The following BNC2 variants were observed in gnomAD, a reference collection of about 807,000 sequenced individuals.
BNC2 encodes the protein basonuclin zinc finger protein 2.
In BNC2, 20 loss-of-function variants were observed where a neutral mutation model predicts 76.3. That is an observed-to-expected ratio of 0.26 (90% confidence interval 0.18 to 0.38). The LOEUF (loss-of-function observed/expected upper bound fraction) is 0.38. Among genes scored for constraint, BNC2 ranks in the 10% least tolerant of loss-of-function variants. BNC2 has a pLI of 1.00. For missense variants in BNC2, 1,382 were observed against 1,399.8 expected, an observed-to-expected ratio of 0.99 and a Z score of 0.20; for synonymous variants, 582 against 514.8, an observed-to-expected ratio of 1.13 and a Z score of -1.77.
intron 3 of BNC2, among the ~76,000 whole-genome samples, chr9:16,693,127 C>CAAAAAAA (rs34223075): frequency 1.7e-5 from 1 of 60,428 alleles, no homozygotes; most frequent in Non-Finnish European, 2.7e-5. Context: ...AAGACAGTCT[C>CAAAAAAA]AAAAAAAAAA....
chr9:16,708,638 G>A (rs1823747608), intron 3 of BNC2, among the ~76,000 whole-genome samples: 1 of 152,108 alleles, frequency 6.6e-6, no homozygotes, highest in South Asian at 2.1e-4. Context: ...CAAGCCACAG[G>A]AAGGGCGGGG....
chr9:16,437,477 T>C lies in BNC2; in HGVS notation c.717A>G (p.Glu239=). ...VLDRWAIMSR[E]EEIITLQQFL... is the part of the protein sequence containing the mutation. The stretch of plus-strand genomic sequence containing the variant: ...ACTGCTGAAGGGTGATGATTTCCTC[T>C]TCTCGAGACATGATGGCCCAGCGGT... Residue 239 remains glutamate, a synonymous_variant, in exon 6 of 7, where the codon GAA becomes GAG. Coordinates refer to ENST00000380672, the MANE Select transcript of BNC2 (RefSeq NM_017637.6). 1 of 1,613,794 alleles carries C rather than the reference T, an allele frequency of 6.2e-7. No homozygotes were observed. The highest frequency in any genetic ancestry group is 8.5e-7 in the Non-Finnish European group (1 of 1,179,982).
chr9:16,617,881 A>G (rs1820755265), intron 3 of BNC2, among the ~76,000 whole-genome samples: 1 of 152,230 alleles, frequency 6.6e-6, no homozygotes, highest in South Asian at 2.1e-4. Context: ...CCTGTCCAGT[A>G]TCACAGAGAC....
intron 2 of BNC2, among the ~76,000 whole-genome samples, chr9:16,734,293 T>C (rs899889773): frequency 6.6e-6 from 1 of 152,226 alleles, no homozygotes. Flanking sequence ...GAAACGCCTA[T>C]ATTCTATTGC....
At chr9:16,782,160 C>T (rs1826172022) in intron 1 of BNC2, among the ~76,000 whole-genome samples, 1 of 151,942 alleles carries the variant, frequency 6.6e-6, no homozygotes, top group Admixed American at 6.6e-5. Flanking sequence ...TGGCGTGCAC[C>T]TGTAGTCCCA....
chr9:16,590,541 ATAGTGG>A (rs1416828567), intron 3 of BNC2, among the ~76,000 whole-genome samples: 102 of 151,680 alleles, frequency 6.7e-4, no homozygotes, highest in African/African-American at 2.4e-3. Flanking sequence ...CTAGCAGGGA[ATAGTGG>A]CTCATGCCTG....
In BNC2 at chr9:16,435,636, C is replaced by T. The variant is rs1369984431; in HGVS notation, c.2558G>A (p.Arg853Lys). ...KSSYSVKLHYRNVHLKEMHVC... is the reference protein window; with the variant it reads ...KSSYSVKLHYKNVHLKEMHVC... ...GTGCATCTCTTTCAAGTGAACGTTC[C>T]TGTAGTGAAGTTTCACACTGTAGGA... The change falls in exon 6 of 7, where the codon AGG (arginine) becomes AAG (lysine). Residue 853 changes from arginine (R) to lysine (K), a missense_variant. Transcript: ENST00000380672. 4 of 1,614,146 alleles carry T rather than the reference C, an allele frequency of 2.5e-6. No individual in the cohort carries two copies. The African/African-American group carries it at 5.3e-5, about 22-fold the overall frequency.
chr9:16,840,814 G>A lies in BNC2; in HGVS notation c.3+29832C>T, dbSNP rs1395584913. On this transcript the variant is annotated intron_variant, in intron 1 of 6. Transcript: ENST00000380672. ...AATGAGCCTACAACTGCTCATCAGA[G>A]AAGGGTTACCACATGTATGCACTCA... is the stretch of plus-strand genomic sequence containing the variant. 5.9e-5 allele frequency among the ~76,000 whole-genome samples: 9 copies of A among 152,290 alleles called. No individual in the cohort carries two copies. In the East Asian group the frequency reaches 1.7e-3, roughly 29 times the overall value.
chr9:16,869,676 A>G (rs1433521670), intron 1 of BNC2, among the ~76,000 whole-genome samples: 1 of 152,194 alleles, frequency 6.6e-6, no homozygotes, highest in African/African-American at 2.4e-5. Context: ...CCCCATTTCT[A>G]ACAAATCACT....
intron 3 of BNC2, among the ~76,000 whole-genome samples, chr9:16,662,431 C>G (rs1822135904): frequency 1.3e-5 from 2 of 152,236 alleles, no homozygotes; most frequent in African/African-American, 4.8e-5. Context: ...CAGATTTTAA[C>G]TCATCACAAG....
At chr9:16,580,265 G>A in intron 4 of BNC2, 1 of 397,818 alleles carries the variant, frequency 2.5e-6, no homozygotes. Context: ...GCTGTATTTG[G>A]CCTCATGAAT....
intron 3 of BNC2, among the ~76,000 whole-genome samples, chr9:16,718,507 T>C (rs1368225119): frequency 2.0e-5 from 3 of 152,330 alleles, no homozygotes; most frequent in African/African-American, 7.2e-5. Context: ...AGGGAAATAA[T>C]GAGACATCTG....
chr9:16,493,195 G>C (rs1414152268), intron 5 of BNC2, among the ~76,000 whole-genome samples: 1 of 152,116 alleles, frequency 6.6e-6, no homozygotes, highest in Non-Finnish European at 1.5e-5. Context: ...CAAAACCACT[G>C]ATCTGTGTTT....
intron 5 of BNC2, among the ~76,000 whole-genome samples, chr9:16,503,648 T>C (rs1311780138): frequency 6.6e-6 from 1 of 152,194 alleles, no homozygotes; most frequent in Non-Finnish European, 1.5e-5. Flanking sequence ...AATGATAATC[T>C]GGAAGAGTGG....
At chr9:16,482,449 A>G (rs1822076909) in intron 5 of BNC2, among the ~76,000 whole-genome samples, 1 of 150,788 alleles carries the variant, frequency 6.6e-6, no homozygotes, top group East Asian at 1.9e-4. Flanking sequence ...AACTCAAACT[A>G]ATAGGCAGAA....
chr9:16,816,685 G>C (rs1275826397), intron 1 of BNC2, among the ~76,000 whole-genome samples: 1 of 152,130 alleles, frequency 6.6e-6, no homozygotes, highest in East Asian at 1.9e-4. Context: ...AGGGCAAACA[G>C]GACACAATAC....
chr9:16,423,702 G>A (rs192418543), intron 6 of BNC2, among the ~76,000 whole-genome samples: 1 of 152,192 alleles, frequency 6.6e-6, no homozygotes, highest in Non-Finnish European at 1.5e-5. Flanking sequence ...CCAAGGAAAG[G>A]TGGTGGCGAC....
intron 1 of BNC2, among the ~76,000 whole-genome samples, chr9:16,764,805 A>G (rs1483217165): frequency 6.6e-6 from 1 of 151,904 alleles, no homozygotes; most frequent in Non-Finnish European, 1.5e-5. Flanking sequence ...TTTGGTAGCT[A>G]AATTTGATAA....
chr9:16,831,113 C>T (rs190900824), intron 1 of BNC2, among the ~76,000 whole-genome samples: 1 of 152,210 alleles, frequency 6.6e-6, no homozygotes, highest in African/African-American at 2.4e-5. Flanking sequence ...TATATAAAAT[C>T]TGTTGGCAAC....
Sources: gnomAD v4.1 joint callset for allele counts (sites outside exome capture counted in the v4.1 genomes callset) on GRCh38, gnomAD v4.1.1 for gene constraint, MANE v1.5 for transcripts, NCBI Gene and HGNC (gene_info 2026-07-23, HGNC 2026-07-21) for gene names.